Variants in LIMK1 observed in about 807,000 individuals in gnomAD.
LIMK1 encodes LIM domain kinase 1, also known as LIM motif-containing protein kinase.
LIMK1 carries 21 observed loss-of-function variants against 77.6 expected under a neutral mutation model. The observed-to-expected ratio is 0.27, with a 90% CI of 0.19 to 0.39. The LOEUF (loss-of-function observed/expected upper bound fraction) is 0.39, where lower values mean the gene tolerates loss of function less well. LIMK1 is among the 10% of genes least tolerant of loss of function. The probability of loss-of-function intolerance (pLI) is 1.00; values close to 1 mark genes in which losing one functional copy is unlikely to be tolerated. For missense variants in LIMK1, 696 were observed against 901.6 expected (o/e 0.77, Z 2.92); for synonymous variants, 358 against 370.0 (o/e 0.97, Z 0.37).
At chr7:74,110,407 C>T (rs1799671157) in intron 10 of LIMK1, 1 of 152,284 alleles carries the variant, frequency 6.6e-6, no homozygotes, top group Middle Eastern at 3.4e-3. Context: ...AGCCCAAAGC[C>T]CCGTTCTCCT....
At chr7:74,116,609 C>G (rs1369111789) in intron 13 of LIMK1, among the ~76,000 whole-genome samples, 5 of 152,014 alleles carry the variant, frequency 3.3e-5, no homozygotes, top group East Asian at 1.9e-4. Flanking sequence ...GTTGCTGCCC[C>G]CTCCTCTGTC....
chr7:74,093,349 C>T, intron 2 of LIMK1: 1 of 1,534,488 alleles, frequency 6.5e-7, no homozygotes, highest in Non-Finnish European at 8.7e-7. Flanking sequence ...GGCAGGGCCC[C>T]TGGTGTAAGG....
intron 4 of LIMK1, among the ~76,000 whole-genome samples, chr7:74,098,091 C>T (rs1351474820): frequency 6.6e-6 from 1 of 152,190 alleles, no homozygotes; most frequent in Non-Finnish European, 1.5e-5. Context: ...GATTTCATTA[C>T]ATCGTCATGA....
rs868958145 is a variant in LIMK1 at position 74,085,662 on chromosome 7, G to T, written c.56-86G>T. 3.0e-6 allele frequency: 3 copies of T among 989,512 alleles called. No homozygotes were observed. The Middle Eastern group carries it at 6.3e-4, about 207-fold the overall frequency. The allele number at this position is 989,512 out of a possible 1,614,324, so 61.3% of individuals were successfully genotyped here. On this transcript the variant is annotated intron_variant, in intron 1 of 15. Coordinates refer to ENST00000336180, the MANE Select transcript of LIMK1 (RefSeq NM_002314.4). ...TGTGCGAGGATTGGTGCAGGTGTAG[G>T]TATATGTGGGGTGGGCAGGGCAAGC... is the stretch of plus-strand genomic sequence containing the variant.
intron 2 of LIMK1, among the ~76,000 whole-genome samples, chr7:74,088,306 A>C (rs1323100122): frequency 6.6e-6 from 1 of 152,190 alleles, no homozygotes; most frequent in African/African-American, 2.4e-5. Flanking sequence ...GGGATTCTGC[A>C]TCAGGTGCTC....
chr7:74,114,914 C>CAAAAAA (rs569366868), intron 12 of LIMK1, among the ~76,000 whole-genome samples: 1 of 69,894 alleles, frequency 1.4e-5, no homozygotes. Context: ...GACTCCAACT[C>CAAAAAA]AAAAAAAAAA....
chr7:74,103,632 C>T (rs1413634316), intron 5 of LIMK1, among the ~76,000 whole-genome samples: 3 of 152,114 alleles, frequency 2.0e-5, no homozygotes, highest in Admixed American at 6.6e-5. Flanking sequence ...ATCCTGTTCC[C>T]AAAAACCCTT....
rs370934853 is a variant in LIMK1, at chr7:74,121,184, G to C, written c.1827G>C (p.Met609Ile). The change falls in exon 16 of 16, where the codon ATG becomes ATC. Residue 609 changes from methionine to isoleucine, a missense_variant. Around this residue, in one of 3 missense-constraint regions of LIMK1, gnomAD observed 438 missense variants for 602.3 expected, o/e 0.73. Coordinates refer to ENST00000336180, the MANE Select transcript of LIMK1 (RefSeq NM_002314.4). The stretch of plus-strand genomic sequence containing the variant: ...AACACTGGCTGGAGACCCTCCGCAT[G>C]CACCTGGCCGGCCACCTGCCACTGG... The part of the protein sequence containing the change: ...KLEHWLETLR[M>I]HLAGHLPLGP... 1.3e-4 allele frequency: 205 copies of C among 1,613,342 alleles called. No individual in the cohort carries two copies. Among genetic ancestry groups the C allele is most frequent in the Non-Finnish European group, 1.1e-4 (128 of 1,179,890 alleles).
intron 2 of LIMK1, among the ~76,000 whole-genome samples, chr7:74,090,323 C>T (rs1554694601): frequency 6.6e-6 from 1 of 151,468 alleles, no homozygotes; most frequent in African/African-American, 2.4e-5. Flanking sequence ...TGCAGTGAGT[C>T]AAGATCGCGC....
At chr7:74,107,734 G>T in intron 8 of LIMK1, 137 bp from the exon 9 acceptor site, 1 of 641,348 alleles carries the variant, frequency 1.6e-6, no homozygotes, top group Non-Finnish European at 2.8e-6. Flanking sequence ...TTGGGTATTT[G>T]GGAACATCCC....
chr7:74,088,801 C>CAAA (rs145728454), intron 2 of LIMK1, among the ~76,000 whole-genome samples: 48 of 67,006 alleles, frequency 7.2e-4, no homozygotes, highest in African/African-American at 1.4e-3. Context: ...GACTCCATCT[C>CAAA]AAAAAAAAAA....
At chr7:74,085,673 G>A in intron 1 of LIMK1, 75 bp from the exon 2 acceptor site, 3 of 1,162,570 alleles carry the variant, frequency 2.6e-6, no homozygotes, top group Non-Finnish European at 3.7e-6. Context: ...TATATGTGGG[G>A]TGGGCAGGGC....
chr7:74,121,232 C>G lies in LIMK1; in HGVS notation c.1875C>G (p.Asp625Glu), dbSNP rs782349496. 3 of 1,613,800 alleles carry G rather than the reference C, an allele frequency of 1.9e-6. No individual in the cohort carries two copies. The South Asian group carries it at 3.3e-5, about 18-fold the overall frequency. ...TGGGCCCACAGCTGGAGCAGCTGGA[C>G]AGAGGTTTCTGGGAGACCTACCGGC... ...LPLGPQLEQLDRGFWETYRRG... is the reference protein window; with the variant it reads ...LPLGPQLEQLERGFWETYRRG... Residue 625 changes from aspartate (D) to glutamate (E), a missense_variant, in exon 16 of 16, where the codon GAC (aspartate) becomes GAG (glutamate). Around this residue, in one of 3 missense-constraint regions of LIMK1, gnomAD observed 438 missense variants for 602.3 expected, o/e 0.73. Coordinates refer to ENST00000336180, the MANE Select transcript of LIMK1 (RefSeq NM_002314.4).
At chr7:74,100,527 A>G (rs1429720644) in intron 5 of LIMK1, among the ~76,000 whole-genome samples, 1 of 151,714 alleles carries the variant, frequency 6.6e-6, no homozygotes, top group East Asian at 1.9e-4. Context: ...GGTTCAAGCA[A>G]TTCTTGCACC....
Position 74,121,018 on chromosome 7 carries a change from G to C in LIMK1, c.1750G>C (p.Val584Leu). 1 of 1,604,158 alleles carries C rather than the reference G, an allele frequency of 6.2e-7. No individual in the cohort carries two copies. Among genetic ancestry groups the C allele is most frequent in the Non-Finnish European group, 8.5e-7 (1 of 1,175,384 alleles). The part of the protein sequence containing the change: ...NCPPSFFPIT[V>L]RCCDLDPEKR... ...CCCCCCGAGCTTCTTCCCCATCACC[G>C]TGCGCTGTTGCGATCTGGACCCCGA... Residue 584 changes from valine to leucine, a missense_variant, in exon 15 of 16, where the codon GTG becomes CTG. By Grantham distance (32) the Val-to-Leu change is conservative. Coordinates refer to ENST00000336180, the MANE Select transcript of LIMK1 (RefSeq NM_002314.4).
In LIMK1 at chr7:74,121,044, G is replaced by A. The variant is rs781857271; in HGVS notation, c.1776G>A (p.Glu592=). 6.3e-7 allele frequency: 1 copy of A among 1,596,322 alleles called. No individual in the cohort carries two copies. The highest frequency in any genetic ancestry group is 8.5e-7 in the Non-Finnish European group (1 of 1,170,136). The change falls in exon 15 of 16, where the codon GAG becomes GAA. Residue 592 remains glutamate (E), a synonymous_variant. Transcript: ENST00000336180. ...ITVRCCDLDP[E]KRPSFVKLEH... ...TGCGCTGTTGCGATCTGGACCCCGA[G>A]AAGAGGTGAGTGGGGTGGGGCCCTG...
chr7:74,085,306 ATGCACTAATCCAGCCC>A (rs1554693895), intron 1 of LIMK1, among the ~76,000 whole-genome samples: 1 of 152,168 alleles, frequency 6.6e-6, no homozygotes, highest in African/African-American at 2.4e-5. Context: ...TCAGCCCAGG[ATGCACTAATCCAGCCC>A]TGTCCAGTCC....
chr7:74,118,362 T>G (rs1429562037), intron 13 of LIMK1, among the ~76,000 whole-genome samples: 2 of 131,054 alleles, frequency 1.5e-5, no homozygotes, highest in Non-Finnish European at 3.2e-5. Flanking sequence ...GACGACAGAG[T>G]GGGACTCTGT....
In LIMK1 at chr7:74,121,551, T is replaced by A. The variant is rs1584137736; in HGVS notation, c.*250T>A. On this transcript the variant is annotated 3_prime_UTR_variant, in exon 16 of 16. Coordinates refer to ENST00000336180, the MANE Select transcript of LIMK1 (RefSeq NM_002314.4). ...TGTAACCTCTGTCTTGGCAGGGCTG[T>A]CCCCTCTTGCTTCTCCTTGCATGAG... is the stretch of plus-strand genomic sequence containing the variant. 2.1e-6 allele frequency: 1 copy of A among 482,878 alleles called. No homozygotes were observed. The highest frequency in any genetic ancestry group is 2.0e-5 in the African/African-American group (1 of 50,972). The allele number at this position is 482,878 out of a possible 1,614,324, so 29.9% of individuals were successfully genotyped here.
Sources: allele counts gnomAD v4.1 joint callset (sites outside exome capture counted in the v4.1 genomes callset), GRCh38; gene constraint gnomAD v4.1.1; regional missense constraint gnomAD v4.1.1; transcripts MANE v1.5; gene names NCBI Gene and HGNC (gene_info 2026-07-23, HGNC 2026-07-21).